Variants in HECTD2 observed in about 807,000 individuals in gnomAD.
HECTD2 encodes the protein probable E3 ubiquitin-protein ligase HECTD2.
In HECTD2, 35 loss-of-function variants were observed where a neutral mutation model predicts 103.2. The observed-to-expected ratio is 0.34, with a 90% CI of 0.26 to 0.45. HECTD2 has a LOEUF of 0.45. Among genes scored for constraint, HECTD2 ranks in the 20% least tolerant of loss-of-function variants. The pLI is 1.00. For missense variants in HECTD2, 596 were observed against 937.4 expected (o/e 0.64, Z 4.76); for synonymous variants, 281 against 329.9 (o/e 0.85, Z 1.61).
In HECTD2 at chr10:91,478,212, T is replaced by C; in HGVS notation, c.612T>C (p.Val204=). ...TCTTTTGCCTACAGCCTCAAGACGT[T>C]CAGAAGACAGTATTAAAGGGAATCA... ...YDTLLNTPQD[V]QKTVLKGIIN... Residue 204 remains valine (V), a synonymous_variant, in exon 6 of 21, where the codon GTT becomes GTC. Transcript: ENST00000298068. 1 of 1,609,798 alleles carries C rather than the reference T, an allele frequency of 6.2e-7. No homozygotes were observed. Among genetic ancestry groups the C allele is most frequent in the Non-Finnish European group, 8.5e-7 (1 of 1,176,376 alleles).
At chr10:91,429,701 A>G (rs1460019342) in intron 2 of HECTD2, among the ~76,000 whole-genome samples, 7 of 152,136 alleles carry the variant, frequency 4.6e-5, no homozygotes, top group Non-Finnish European at 8.8e-5. Context: ...GGTAGTTTGT[A>G]TTTCTGTGGG....
At chr10:91,497,125 A>C (rs901848532) in intron 15 of HECTD2, among the ~76,000 whole-genome samples, 1 of 136,792 alleles carries the variant, frequency 7.3e-6, no homozygotes, top group Non-Finnish European at 1.5e-5. Context: ...GTGCCCGGCA[A>C]ATTTTTTTTT....
intron 12 of HECTD2, among the ~76,000 whole-genome samples, chr10:91,492,058 A>T (rs557926597): frequency 5.3e-5 from 8 of 152,082 alleles, no homozygotes; most frequent in Admixed American, 2.6e-4. Flanking sequence ...AGTTTTTTTT[A>T]AAAAAAGAAA....
At chr10:91,479,282 G>A (rs1381536337) in intron 6 of HECTD2, among the ~76,000 whole-genome samples, 3 of 152,028 alleles carry the variant, frequency 2.0e-5, no homozygotes, top group Non-Finnish European at 2.9e-5. Context: ...GATGGTGACT[G>A]GATTTGCTTG....
At chr10:91,499,182 T>G (rs1846794999) in intron 18 of HECTD2, 32 bp downstream of exon 18, 2 of 1,299,090 alleles carry the variant, frequency 1.5e-6, no homozygotes, top group Admixed American at 1.7e-5. Flanking sequence ...AAGCTTTCGG[T>G]TAGCTTTTGT....
intron 2 of HECTD2, among the ~76,000 whole-genome samples, chr10:91,456,955 G>T (rs182050816): frequency 4.7e-4 from 72 of 152,082 alleles, no homozygotes; most frequent in Admixed American, 1.4e-3. Context: ...AAGACTGACA[G>T]AAAAAGGTAG....
Position 91,493,462 on chromosome 10 carries a change from G to A in HECTD2, c.1475G>A (p.Ser492Asn), listed in dbSNP as rs1846551461. ...YHKDSHCHWF[S>N]SFKCDNYSEF... The stretch of plus-strand genomic sequence containing the variant: ...AAGGATTCACACTGCCATTGGTTTA[G>A]CAGCTTTAAATGTGATAACTATTCT... The change falls in exon 14 of 21, where the codon AGC (serine) becomes AAC (asparagine). Residue 492 changes from serine to asparagine, a missense_variant. Around this residue, in one of 4 missense-constraint regions of HECTD2, gnomAD observed 303 missense variants for 522.5 expected, o/e 0.58. Coordinates refer to ENST00000298068, the MANE Select transcript of HECTD2 (RefSeq NM_182765.6). 6.4e-7 allele frequency: 1 copy of A among 1,557,866 alleles called. No individual in the cohort carries two copies. The highest frequency in any genetic ancestry group is 8.7e-7 in the Non-Finnish European group (1 of 1,154,632).
At chr10:91,456,407 A>G (rs899153509) in intron 2 of HECTD2, among the ~76,000 whole-genome samples, 60 of 152,048 alleles carry the variant, frequency 3.9e-4, no homozygotes, top group African/African-American at 1.3e-3. Flanking sequence ...AATGCTTGTG[A>G]TTTTTGCACA....
intron 8 of HECTD2, 166 bp from the exon 9 acceptor site, chr10:91,484,341 T>C: frequency 7.2e-7 from 1 of 1,383,532 alleles, no homozygotes; most frequent in Non-Finnish European, 9.8e-7. Flanking sequence ...AAGACAGTAT[T>C]CAAGGTAAGA....
rs943610207 is a variant in HECTD2, at chr10:91,487,484, G to C, written c.1095-198G>C. 4.6e-5 allele frequency: 28 copies of C among 606,054 alleles called. No individual in the cohort carries two copies. The highest frequency in any genetic ancestry group is 4.2e-4 in the African/African-American group (23 of 54,234). The allele number at this position is 606,054 out of a possible 1,614,324, so 37.5% of individuals were successfully genotyped here. A position where few individuals can be genotyped will look rare whatever the true frequency, so the allele number is the denominator to read the frequency against. The stretch of plus-strand genomic sequence containing the variant: ...AGCTTCTGCAGAGAATAAAGGCATT[G>C]CACATCTAGTAATGATACATTCTTC... On this transcript the variant is annotated intron_variant, in intron 10 of 20. Transcript: ENST00000298068. This position sits in a 1 kb window ranked among gnomAD's most constrained non-coding sequence, Gnocchi z 4.1.
chr10:91,470,004 T>C (rs550321384), intron 5 of HECTD2, among the ~76,000 whole-genome samples: 1 of 152,312 alleles, frequency 6.6e-6, no homozygotes, highest in East Asian at 1.9e-4. Flanking sequence ...AGAGTTCAGT[T>C]CAACAAGAAG....
intron 20 of HECTD2, among the ~76,000 whole-genome samples, chr10:91,505,845 T>C (rs1847140324): frequency 6.6e-6 from 1 of 151,690 alleles, no homozygotes; most frequent in African/African-American, 2.4e-5. Flanking sequence ...ACACCACACC[T>C]ATTCCAAAAT....
chr10:91,422,132 G>T (rs1162653619), intron 1 of HECTD2, among the ~76,000 whole-genome samples: 1 of 152,016 alleles, frequency 6.6e-6, no homozygotes, highest in Non-Finnish European at 1.5e-5. Context: ...AGTCCTCAAT[G>T]ATTTTTCTCT....
chr10:91,429,371 A>G (rs1419938445), intron 2 of HECTD2, among the ~76,000 whole-genome samples: 1 of 152,138 alleles, frequency 6.6e-6, no homozygotes, highest in East Asian at 1.9e-4. Flanking sequence ...CGGCTTTGGT[A>G]TCAGGATGAT....
intron 20 of HECTD2, among the ~76,000 whole-genome samples, chr10:91,504,087 T>TAACA (rs1847036000): frequency 6.6e-6 from 1 of 151,942 alleles, no homozygotes; most frequent in African/African-American, 2.4e-5. Context: ...GAAGGAAAAC[T>TAACA]AACAAACAGA....
intron 2 of HECTD2, among the ~76,000 whole-genome samples, chr10:91,456,661 G>C (rs375070922): frequency 3.7e-4 from 56 of 152,104 alleles, no homozygotes; most frequent in African/African-American, 9.9e-4. Flanking sequence ...TGCCAGTTTT[G>C]AAAGGGAATG....
At chr10:91,499,318 T>G (rs1305195064) in intron 18 of HECTD2, among the ~76,000 whole-genome samples, 168 bp downstream of exon 18, 1 of 152,128 alleles carries the variant, frequency 6.6e-6, no homozygotes, top group Non-Finnish European at 1.5e-5. Context: ...CAGTCTTAAT[T>G]CTTTAGAGGG....
In HECTD2 at chr10:91,496,346, G is replaced by A. The variant is rs754119874; in HGVS notation, c.1654G>A (p.Val552Met). ...NIPVGICNVT[V>M]DDLCQIMPEL... Reference sequence around the variant, plus strand: ...ACCAGTAGGCATCTGCAATGTTACCGTGGACGACTTATGTCAAATTATGCC... The same window carrying A: ...ACCAGTAGGCATCTGCAATGTTACCATGGACGACTTATGTCAAATTATGCC... The change falls in exon 15 of 21, where the codon GTG becomes ATG. Residue 552 changes from valine (V) to methionine (M), a missense_variant. By Grantham distance (21) the Val-to-Met change is conservative. This residue lies in a region of HECTD2 where 303 missense variants were observed against 522.5 expected (regional missense o/e 0.58). Coordinates refer to ENST00000298068, the MANE Select transcript of HECTD2 (RefSeq NM_182765.6). The A allele has an allele frequency of 6.2e-6, 10 of 1,610,964 alleles. No homozygotes were observed. Among genetic ancestry groups the A allele is most frequent in the South Asian group, 2.2e-5 (2 of 90,576 alleles).
chr10:91,444,470 C>T (rs889408564), intron 2 of HECTD2, among the ~76,000 whole-genome samples: 2 of 152,148 alleles, frequency 1.3e-5, no homozygotes, highest in African/African-American at 4.8e-5. Flanking sequence ...ACTGAAGAGT[C>T]ATGCAGAATG....
Sources: gnomAD v4.1 joint callset for allele counts (sites outside exome capture counted in the v4.1 genomes callset) on GRCh38, gnomAD v4.1.1 for gene constraint, gnomAD v4.1.1 regional missense constraint, Gnocchi (gnomAD v3.1) non-coding constraint, MANE v1.5 for transcripts, NCBI Gene and HGNC (gene_info 2026-07-23, HGNC 2026-07-21) for gene names.